Variants in AFDN observed in about 807,000 individuals in gnomAD.
The protein encoded by AFDN is afadin, adherens junction formation factor, also known as afadin.
A neutral mutation model predicts 216.6 loss-of-function variants in AFDN; 68 were observed. The ratio of observed to expected loss-of-function variants is 0.31; its 90% CI spans 0.26 to 0.38. The LOEUF (loss-of-function observed/expected upper bound fraction) is 0.38. AFDN is among the 10% of genes least tolerant of loss of function. The pLI is 1.00. For missense variants in AFDN, 2,136 were observed against 2,342.0 expected, an observed-to-expected ratio of 0.91 and a Z score of 1.82; for synonymous variants, 868 against 853.7, an observed-to-expected ratio of 1.02 and a Z score of -0.29.
chr6:167,880,460 A>G lies in AFDN; in HGVS notation c.840A>G (p.Glu280=), dbSNP rs1213419167. The G allele has an allele frequency of 6.2e-7, 1 of 1,613,914 alleles. No individual in the cohort carries two copies. Among genetic ancestry groups the G allele is most frequent in the Admixed American group, 1.7e-5 (1 of 60,026 alleles). Residue 280 remains glutamate (E), a synonymous_variant, in exon 6 of 34, where the codon GAA becomes GAG. Coordinates refer to ENST00000683244, the MANE Select transcript of AFDN (RefSeq NM_001386888.1). ...ATCCTGCAGACTTTGCTGTGGCTGA[A>G]GCTTTAGAGAAGTATGGTCTGGAAA... ...TTDPADFAVA[E]ALEKYGLEKE...
rs549752152 is a variant in AFDN, at chr6:167,939,530, C to G, written c.3100-3599C>G. On this transcript the variant is annotated intron_variant, in intron 23 of 33. Transcript: ENST00000683244. ...ATTAGTGGATGACCACAGATAAACTCTGCTGAAGAATAGAAGAAGCTCCCA... is the reference window on the plus strand; with the variant it reads ...ATTAGTGGATGACCACAGATAAACTGTGCTGAAGAATAGAAGAAGCTCCCA... Among the ~76,000 whole-genome samples, 23 of 152,330 alleles carry G rather than the reference C, an allele frequency of 1.5e-4. No individual in the cohort carries two copies. The South Asian group carries it at 4.8e-3, about 32-fold the overall frequency.
intron 30 of AFDN, chr6:167,952,621 A>C: frequency 1.2e-5 from 5 of 417,572 alleles, no homozygotes; most frequent in Non-Finnish European, 1.6e-5. Flanking sequence ...TGTAGCACAA[A>C]AGCAGCCACA....
At chr6:167,965,159 TTCTTCA>T in intron 31 of AFDN, 1 of 839,896 alleles carries the variant, frequency 1.2e-6, no homozygotes, top group Non-Finnish European at 1.5e-6. Flanking sequence ...TTTTTTTTTT[TTCTTCA>T]TTTCTGGTTT....
intron 1 of AFDN, among the ~76,000 whole-genome samples, chr6:167,857,045 A>G (rs975207509): frequency 2.0e-5 from 3 of 152,114 alleles, no homozygotes; most frequent in African/African-American, 4.8e-5. Flanking sequence ...TAACCTCGTT[A>G]TTTATACTCA....
chr6:167,953,704 C>T (rs1029273823), intron 30 of AFDN, among the ~76,000 whole-genome samples: 2 of 152,114 alleles, frequency 1.3e-5, no homozygotes, highest in East Asian at 3.8e-4. Context: ...TCTGCATTCC[C>T]CTCCCCATCA....
intron 2 of AFDN, 57 bp from the exon 3 acceptor site, chr6:167,870,325 TTAGC>T (rs1784656898): frequency 1.0e-6 from 1 of 1,000,430 alleles, no homozygotes; most frequent in South Asian, 1.7e-5. Flanking sequence ...AATGCTTGTA[TTAGC>T]TAGTTCTATG....
intron 4 of AFDN, 131 bp from the exon 5 acceptor site, chr6:167,875,204 C>T (rs113070395): frequency 4.9e-5 from 36 of 727,864 alleles, no homozygotes; most frequent in Middle Eastern, 7.9e-4. Context: ...GTAAATAGTA[C>T]GTAACAGACC....
chr6:167,909,705 T>G (rs1790146772), intron 13 of AFDN, among the ~76,000 whole-genome samples: 1 of 152,184 alleles, frequency 6.6e-6, no homozygotes, highest in Admixed American at 6.5e-5. Flanking sequence ...GAGTAAGTAT[T>G]AGTCTCAGTT....
intron 2 of AFDN, 43 bp from the exon 3 acceptor site, chr6:167,870,343 T>A: frequency 7.8e-7 from 1 of 1,287,778 alleles, no homozygotes; most frequent in Non-Finnish European, 1.1e-6. Context: ...TTCTATGAAA[T>A]AACCATAGCT....
Position 167,847,745 on chromosome 6 carries a change from A to AC in AFDN, c.106-16805dup, listed in dbSNP as rs1781858166. ...ACCTGGGTTGTTCCAGTAACCTCTT[A>AC]CTTAGTCTTAATTTATTTCCCTTGT... On this transcript the variant is annotated intron_variant, in intron 1 of 33. Transcript: ENST00000683244. 3.3e-5 allele frequency among the ~76,000 whole-genome samples: 5 copies of AC among 151,992 alleles called. No individual in the cohort carries two copies. In the South Asian group the frequency reaches 1.0e-3, roughly 32 times the overall value.
chr6:167,827,237 G>A lies in AFDN; in HGVS notation c.105G>A (p.Glu35=), dbSNP rs1038923128. Residue 35 remains glutamate (E), a splice_region_variant and synonymous_variant, in exon 1 of 34, where the codon GAG becomes GAA. Transcript: ENST00000683244. ...LDLFEISQPT[E]DLEFHGVMRF... Reference sequence around the variant, plus strand: ...TGTTCGAGATCAGCCAGCCGACCGAGGTGAGCACCGCCGGGCGCGGGGCCT... The same window carrying A: ...TGTTCGAGATCAGCCAGCCGACCGAAGTGAGCACCGCCGGGCGCGGGGCCT... 8.5e-7 allele frequency: 1 copy of A among 1,173,240 alleles called. No homozygotes were observed. The highest frequency in any genetic ancestry group is 1.1e-6 in the Non-Finnish European group (1 of 920,944). The allele number at this position is 1,173,240 out of a possible 1,614,324, so 72.7% of individuals were successfully genotyped here.
chr6:167,928,251 C>G (rs1583443245), intron 23 of AFDN, among the ~76,000 whole-genome samples: 1 of 152,388 alleles, frequency 6.6e-6, no homozygotes, highest in East Asian at 1.9e-4. Context: ...GAGCGGAGCT[C>G]TGGGTTCACT....
At chr6:167,846,713 G>T (rs866721080) in intron 1 of AFDN, among the ~76,000 whole-genome samples, 1,197 of 104,680 alleles carry the variant, frequency 0.011, 15 homozygotes, top group African/African-American at 0.033. Flanking sequence ...AAACCAAGTT[G>T]TTTTTTTTTT....
chr6:167,901,231 AT>A (rs1398267064), intron 11 of AFDN, among the ~76,000 whole-genome samples: 1 of 152,152 alleles, frequency 6.6e-6, no homozygotes, highest in Non-Finnish European at 1.5e-5. Flanking sequence ...TTCTTTTTAA[AT>A]TATGTTTTGC....
intron 23 of AFDN, among the ~76,000 whole-genome samples, chr6:167,929,302 A>T (rs2128543152): frequency 6.6e-6 from 1 of 152,306 alleles, no homozygotes; most frequent in East Asian, 1.9e-4. Flanking sequence ...CCAGGAAATA[A>T]CAATGTTAAT....
intron 21 of AFDN, among the ~76,000 whole-genome samples, chr6:167,920,508 G>A (rs534266088): frequency 2.6e-5 from 4 of 152,170 alleles, no homozygotes; most frequent in South Asian, 4.2e-4. Context: ...CCCCACACAC[G>A]GGTTACTTAG....
At position 167,965,980 on chromosome 6, in the gene AFDN, C is replaced by G; in HGVS notation, c.5192C>G (p.Ser1731Trp). 6.4e-7 allele frequency: 1 copy of G among 1,551,068 alleles called. No individual in the cohort carries two copies. ...YLKTQVLSPD[S>W]LFTAKFVAYN... ...AAAACACAGGTCCTCTCCCCCGACT[C>G]GCTGTTCACTGCCAAGTTTGTTGCA... The change falls in exon 32 of 34, where the codon TCG becomes TGG. Residue 1731 changes from serine (S) to tryptophan (W), a missense_variant. Transcript: ENST00000683244.
In AFDN at chr6:167,864,729, A is replaced by G; in HGVS notation, c.284A>G (p.Glu95Gly). The change falls in exon 2 of 34, where the codon GAA becomes GGA. Residue 95 changes from glutamate (E) to glycine (G), a missense_variant. Glu to Gly is a moderately conservative substitution (Grantham distance 98, BLOSUM62 -2). Coordinates refer to ENST00000683244, the MANE Select transcript of AFDN (RefSeq NM_001386888.1). The part of the protein sequence containing the change: ...MLSSPKYSLY[E>G]VHVSGERRLD... ...TCCTCTCCCAAGTATTCACTCTATG[A>G]AGTGCATGTCAGCGGAGGTCAGTGT... The G allele has an allele frequency of 6.2e-7, 1 of 1,614,126 alleles. No individual in the cohort carries two copies. The highest frequency in any genetic ancestry group is 8.5e-7 in the Non-Finnish European group (1 of 1,179,992).
intron 11 of AFDN, among the ~76,000 whole-genome samples, chr6:167,899,846 G>C (rs1210026476): frequency 6.6e-6 from 1 of 152,170 alleles, no homozygotes; most frequent in Non-Finnish European, 1.5e-5. Flanking sequence ...TGTGACATGT[G>C]TTACTCCTAG....
Sources: gnomAD v4.1 joint callset for allele counts (sites outside exome capture counted in the v4.1 genomes callset) on GRCh38, gnomAD v4.1.1 for gene constraint, MANE v1.5 for transcripts, NCBI Gene and HGNC (gene_info 2026-07-23, HGNC 2026-07-21) for gene names.